PDZD2: variants seen among roughly 807,000 people sequenced by gnomAD.
PDZD2 encodes the protein PDZ domain containing 2.
PDZD2 carries 90 observed loss-of-function variants against 220.7 expected under a neutral mutation model. The observed-to-expected ratio is 0.41, with a 90% confidence interval of 0.34 to 0.49. PDZD2 has a LOEUF of 0.49. PDZD2 is among the 20% of genes least tolerant of loss of function. The pLI is 0.28. For synonymous variants in PDZD2, 1,375 were observed against 1,450.5 expected, an observed-to-expected ratio of 0.95 and a Z score of 1.18; for missense variants, 3,174 against 3,608.5, an observed-to-expected ratio of 0.88 and a Z score of 3.08.
chr5:31,656,071 G>A (rs1348278630), intron 1 of PDZD2, among the ~76,000 whole-genome samples: 1 of 152,140 alleles, frequency 6.6e-6, no homozygotes, highest in Non-Finnish European at 1.5e-5. Flanking sequence ...CTGCAGAGTC[G>A]AGTGTGTTCT....
At chr5:32,011,460 C>T (rs1475781603) in intron 6 of PDZD2, among the ~76,000 whole-genome samples, 1 of 152,166 alleles carries the variant, frequency 6.6e-6, no homozygotes, top group Non-Finnish European at 1.5e-5. Flanking sequence ...GATCATGCCA[C>T]TGCTCTCCAA....
chr5:31,678,118 G>A lies in PDZD2; in HGVS notation c.-361+38681G>A, dbSNP rs79161893. 6.1e-3 allele frequency among the ~76,000 whole-genome samples: 928 copies of A among 152,270 alleles called. 10 individuals carry two copies. The highest frequency in any genetic ancestry group is 0.022 in the African/African-American group (896 of 41,556). ...GTCTTTATAAGGACTCCAGACATGG[G>A]GGACAGATGGTCAGCGAGCATTTCC... On this transcript the variant is annotated intron_variant, in intron 1 of 24. Transcript: ENST00000438447.
chr5:31,904,281 A>G (rs1396741606), intron 2 of PDZD2, among the ~76,000 whole-genome samples: 2 of 152,192 alleles, frequency 1.3e-5, no homozygotes, highest in Admixed American at 6.5e-5. Flanking sequence ...AATCAAGGAA[A>G]AGTTTATTTA....
intron 1 of PDZD2, among the ~76,000 whole-genome samples, chr5:31,757,008 G>A (rs756180490): frequency 6.6e-6 from 1 of 152,252 alleles, no homozygotes; most frequent in Admixed American, 6.5e-5. Flanking sequence ...ATGTGGCTGG[G>A]TCGGGCGGTT....
chr5:32,067,954 G>A (rs943834691), intron 14 of PDZD2, among the ~76,000 whole-genome samples: 1 of 152,104 alleles, frequency 6.6e-6, no homozygotes, highest in Non-Finnish European at 1.5e-5. Flanking sequence ...TGGAGAGCGG[G>A]ATATTTACAT....
chr5:31,936,590 A>G (rs1456718731), intron 2 of PDZD2, among the ~76,000 whole-genome samples: 2 of 152,072 alleles, frequency 1.3e-5, no homozygotes, highest in African/African-American at 2.4e-5. Context: ...GAAAAAAAGC[A>G]TGCAGCATTG....
chr5:31,878,032 G>A (rs79665220), intron 2 of PDZD2, among the ~76,000 whole-genome samples: 8,677 of 152,228 alleles, frequency 0.057, 848 homozygotes, highest in African/African-American at 0.2. Context: ...TATTAATTAG[G>A]TCTAGTCCTA....
At chr5:31,707,718 C>T (rs981956998) in intron 1 of PDZD2, among the ~76,000 whole-genome samples, 26 of 152,152 alleles carry the variant, frequency 1.7e-4, no homozygotes, top group African/African-American at 6.0e-4. Context: ...GCATCAACTC[C>T]TGTGTTCAAG....
chr5:31,740,146 A>G (rs1750158497), intron 1 of PDZD2, among the ~76,000 whole-genome samples: 1 of 151,994 alleles, frequency 6.6e-6, no homozygotes, highest in Admixed American at 6.6e-5. Flanking sequence ...GTACTGGTAA[A>G]GCCATGTTTC....
intron 1 of PDZD2, among the ~76,000 whole-genome samples, chr5:31,770,780 T>G (rs1471766947): frequency 6.6e-6 from 1 of 151,760 alleles, no homozygotes; most frequent in Non-Finnish European, 1.5e-5. Context: ...CAGGGCAGTT[T>G]CTCTGCTGTG....
intron 2 of PDZD2, among the ~76,000 whole-genome samples, chr5:31,932,720 C>G (rs1007402097): frequency 1.3e-5 from 2 of 152,136 alleles, no homozygotes; most frequent in African/African-American, 4.8e-5. Context: ...AAGGCTTTTC[C>G]TCTTGCAAAA....
chr5:32,003,052 C>T (rs545020739), intron 5 of PDZD2, among the ~76,000 whole-genome samples: 70 of 137,596 alleles, frequency 5.1e-4, no homozygotes, highest in African/African-American at 2.0e-3. Context: ...ACACTACACA[C>T]ACCACACACA....
intron 1 of PDZD2, among the ~76,000 whole-genome samples, chr5:31,740,348 A>C (rs1456032397): frequency 7.6e-6 from 1 of 131,622 alleles, no homozygotes; most frequent in Non-Finnish European, 1.6e-5. Context: ...GTGAAACCCC[A>C]TCTCTACTAA....
At chr5:31,989,382 G>A (rs1750993771) in intron 3 of PDZD2, among the ~76,000 whole-genome samples, 1 of 149,214 alleles carries the variant, frequency 6.7e-6, no homozygotes, top group Non-Finnish European at 1.5e-5. Flanking sequence ...CTGTTTTATG[G>A]CTGAGGAGTA....
chr5:31,743,882 T>C (rs1404670044), intron 1 of PDZD2: 1 of 152,184 alleles, frequency 6.6e-6, no homozygotes, highest in Admixed American at 6.5e-5. Flanking sequence ...TGACTGTGCA[T>C]TTTGAGAGGC....
In PDZD2 at chr5:31,671,457, C is replaced by G. The variant is rs180879405; in HGVS notation, c.-361+32020C>G. Among the ~76,000 whole-genome samples the G allele has an allele frequency of 2.4e-3, 358 of 152,304 alleles. 2 individuals carry two copies. The highest frequency in any genetic ancestry group is 8.1e-3 in the African/African-American group (337 of 41,550). On this transcript the variant is annotated intron_variant, in intron 1 of 24. Coordinates refer to ENST00000438447, the MANE Select transcript of PDZD2 (RefSeq NM_178140.4). ...TGTGCAATGTCATGTCAGGACACTC[C>G]TGTGGTCAGCATCAGGACTGGGAGC...
intron 2 of PDZD2, among the ~76,000 whole-genome samples, chr5:31,972,228 C>T (rs1749365125): frequency 6.6e-6 from 1 of 152,148 alleles, no homozygotes. Flanking sequence ...ATTCTCTAGC[C>T]TCAGCCTCCC....
intron 1 of PDZD2, among the ~76,000 whole-genome samples, chr5:31,775,965 G>A (rs548677120): frequency 1.3e-5 from 2 of 152,214 alleles, no homozygotes; most frequent in South Asian, 4.1e-4. Context: ...GTGGACATGG[G>A]GGAGGGGCAG....
intron 8 of PDZD2, among the ~76,000 whole-genome samples, chr5:32,049,434 G>A (rs894144603): frequency 2.6e-5 from 4 of 152,166 alleles, no homozygotes; most frequent in African/African-American, 4.8e-5. Context: ...GATAGAGGAC[G>A]GGCGTGGCAG....
Sources: gnomAD v4.1 joint callset for allele counts (sites outside exome capture counted in the v4.1 genomes callset) on GRCh38, gnomAD v4.1.1 for gene constraint, MANE v1.5 for transcripts, NCBI Gene and HGNC (gene_info 2026-07-23, HGNC 2026-07-21) for gene names.